Variants in GRAMD1A observed in about 807,000 individuals in gnomAD.
GRAMD1A encodes the protein GRAM domain containing 1A, also known as protein Aster-A.
GRAMD1A carries 50 observed loss-of-function variants against 92.0 expected under a neutral mutation model. That is an observed-to-expected ratio of 0.54 (90% confidence interval 0.43 to 0.69). GRAMD1A has a LOEUF of 0.69. GRAMD1A is among the 30% of genes least tolerant of loss of function. The probability of loss-of-function intolerance (pLI) is 0.00; values close to 1 mark genes in which losing one functional copy is unlikely to be tolerated. For missense variants in GRAMD1A, 819 were observed against 978.9 expected (o/e 0.84, Z 2.18); for synonymous variants, 405 against 403.6 (o/e 1.00, Z -0.04).
intron 1 of GRAMD1A, among the ~76,000 whole-genome samples, chr19:35,008,806 A>T (rs183213009): frequency 6.4e-4 from 97 of 152,254 alleles, no homozygotes; most frequent in African/African-American, 2.2e-3. Context: ...ACAGAGCAAG[A>T]CTCTGTCACA....
chr19:35,022,117 C>A (rs2151734990), intron 16 of GRAMD1A, 79 bp downstream of exon 16: 1 of 954,516 alleles, frequency 1.0e-6, no homozygotes, highest in Non-Finnish European at 1.6e-6. Context: ...AGTGTGTGGC[C>A]TCTTTGAGCT....
At chr19:35,016,408 G>C (rs1465728908) in intron 11 of GRAMD1A, among the ~76,000 whole-genome samples, 4 of 149,512 alleles carry the variant, frequency 2.7e-5, no homozygotes, top group South Asian at 2.2e-4. Context: ...ACCAGCCAGG[G>C]CAACATGGTG....
chr19:35,009,152 C>T lies in GRAMD1A; in HGVS notation c.42C>T (p.Ser14=). 2 of 1,613,786 alleles carry T rather than the reference C, an allele frequency of 1.2e-6. No homozygotes were observed. Among genetic ancestry groups the T allele is most frequent in the South Asian group, 1.1e-5 (1 of 91,068 alleles). Residue 14 remains serine, a synonymous_variant, in exon 2 of 20, where the codon AGC becomes AGT. Coordinates refer to ENST00000317991, the MANE Select transcript of GRAMD1A (RefSeq NM_020895.5). ...CCCACTCTGGCCGGAGCACGCCAAG[C>T]AGCTCCCCATCGCTCCGGAAACGGC... The part of the protein sequence containing the change: ...TTPHSGRSTP[S]SSPSLRKRLQ...
rs2015420823 is a variant in GRAMD1A, at chr19:35,013,718, G to T, written c.870+27G>T. The stretch of plus-strand genomic sequence containing the variant: ...TGAGCGGTGGGTTGGAAGAGGGGTG[G>T]GATACTGATAGGAAGAGAGAGGAGG... On this transcript the variant is annotated intron_variant, in intron 9 of 19. Coordinates refer to ENST00000317991, the MANE Select transcript of GRAMD1A (RefSeq NM_020895.5). This position sits in a 1 kb window ranked among gnomAD's most constrained non-coding sequence, Gnocchi z 4.9. 6.3e-7 allele frequency: 1 copy of T among 1,588,690 alleles called. No homozygotes were observed. The highest frequency in any genetic ancestry group is 1.1e-5 in the South Asian group (1 of 88,206).
chr19:35,024,618 T>C (rs910985205), intron 19 of GRAMD1A, among the ~76,000 whole-genome samples: 11 of 152,090 alleles, frequency 7.2e-5, no homozygotes, highest in Non-Finnish European at 1.5e-5. Flanking sequence ...TCTTGTCTCA[T>C]TGGACCCTTC....
chr19:35,012,958 G>C, intron 7 of GRAMD1A: 1 of 332,702 alleles, frequency 3.0e-6, no homozygotes, highest in Non-Finnish European at 5.8e-6. Context: ...CTGAGCGACA[G>C]AGCCAGACTC....
rs2016098948 is a variant in GRAMD1A at position 35,022,018 on chromosome 19, C to T, written c.1821C>T (p.Ala607=). The T allele has an allele frequency of 6.2e-7, 1 of 1,613,524 alleles. No homozygotes were observed. Among genetic ancestry groups the T allele is most frequent in the Non-Finnish European group, 8.5e-7 (1 of 1,179,644 alleles). ...GCCCCGGGGCAGGCATCCCCAGTGCCCTGGTTCTCATCAGCATTGTGTGAG... is the reference window on the plus strand; with the variant it reads ...GCCCCGGGGCAGGCATCCCCAGTGCTCTGGTTCTCATCAGCATTGTGTGAG... ...DQGPGAGIPS[A]LVLISIVICV... Residue 607 remains alanine (A), a synonymous_variant, in exon 16 of 20, where the codon GCC becomes GCT. Coordinates refer to ENST00000317991, the MANE Select transcript of GRAMD1A (RefSeq NM_020895.5).
chr19:35,019,661 G>T, intron 13 of GRAMD1A, 128 bp downstream of exon 13: 1 of 911,896 alleles, frequency 1.1e-6, no homozygotes. Flanking sequence ...GGTTCCTGAG[G>T]CCCTTGTCCT....
chr19:34,996,382 A>G (rs1169577719), upstream of GRAMD1A: 14 of 1,044,562 alleles, frequency 1.3e-5, no homozygotes, highest in Non-Finnish European at 1.9e-5. Context: ...GCTGCGGGTC[A>G]GAGCACAACC....
At position 35,010,327 on chromosome 19, in the gene GRAMD1A, A is replaced by T; in HGVS notation, c.473A>T (p.Lys158Met). The T allele has an allele frequency of 6.2e-7, 1 of 1,613,956 alleles. No individual in the cohort carries two copies. The highest frequency in any genetic ancestry group is 8.5e-7 in the Non-Finnish European group (1 of 1,179,762). The change falls in exon 6 of 20, where the codon AAG (lysine) becomes ATG (methionine). Residue 158 changes from lysine (K) to methionine (M), a missense_variant. Transcript: ENST00000317991. ...GAAGTGACATGTCTGAAGAAGGAAA[A>T]GACGGCCAAGCTGATCCCCAACGCC... ...LKEVTCLKKE[K>M]TAKLIPNAIQ...
At chr19:34,999,909 A>G (rs187263277), upstream of GRAMD1A, 1,972 of 693,930 alleles carry the variant, frequency 2.8e-3, 39 homozygotes, top group African/African-American at 0.033. Context: ...CGCCAGCTTC[A>G]GGCCCCCTCC....
At position 35,000,567 on chromosome 19, in the gene GRAMD1A, A is replaced by G. The variant is rs1199794259; in HGVS notation, c.8+81A>G. ...GGGAGGGGGCGCCGCGGGCTTGGGGAGGGGGCGGAGCGGCCGCTGCAGAGG... is the reference window on the plus strand; with the variant it reads ...GGGAGGGGGCGCCGCGGGCTTGGGGGGGGGGCGGAGCGGCCGCTGCAGAGG... On this transcript the variant is annotated intron_variant, in intron 1 of 19. Transcript: ENST00000317991. The surrounding 1 kb of genome is among the most constrained non-coding windows in gnomAD (Gnocchi z 4.9). 1 of 839,170 alleles carries G rather than the reference A, an allele frequency of 1.2e-6. No homozygotes were observed. The highest frequency in any genetic ancestry group is 1.4e-6 in the Non-Finnish European group (1 of 722,266). The allele number at this position is 839,170 out of a possible 1,614,324, so 52.0% of individuals were successfully genotyped here.
chr19:35,016,849 GAGCCAAGATC>G (rs1329533131), intron 11 of GRAMD1A, among the ~76,000 whole-genome samples: 3 of 148,724 alleles, frequency 2.0e-5, no homozygotes, highest in Non-Finnish European at 4.4e-5. Context: ...AGGTTGCAGT[GAGCCAAGATC>G]GTGCCGTTGC....
intron 7 of GRAMD1A, chr19:35,012,980 A>G (rs2015346024): frequency 2.5e-6 from 1 of 404,712 alleles, no homozygotes; most frequent in South Asian, 3.9e-5. Flanking sequence ...ATCTCCAAAA[A>G]ACAAACAAAA....
rs1171473459 is a variant in GRAMD1A at position 35,010,379 on chromosome 19, G to A, written c.525G>A (p.Lys175=). The A allele has an allele frequency of 6.2e-7, 1 of 1,607,346 alleles. No homozygotes were observed. The highest frequency in any genetic ancestry group is 1.1e-5 in the South Asian group (1 of 90,994). Residue 175 remains lysine, a splice_region_variant and synonymous_variant, in exon 6 of 20, where the codon AAG becomes AAA. Coordinates refer to ENST00000317991, the MANE Select transcript of GRAMD1A (RefSeq NM_020895.5). Reference sequence around the variant, plus strand: ...TCCAGATCTGCACGGAGAGCGAGAAGGTGACGGAGGACCCGGTGACGGGAC... The same window carrying A: ...TCCAGATCTGCACGGAGAGCGAGAAAGTGACGGAGGACCCGGTGACGGGAC... ...NAIQICTESE[K]HFFTSFGARD...
At chr19:35,008,045 T>C (rs1225306865) in intron 1 of GRAMD1A, among the ~76,000 whole-genome samples, 7 of 151,710 alleles carry the variant, frequency 4.6e-5, no homozygotes, top group African/African-American at 1.7e-4. Context: ...ATAGGAGGTA[T>C]AGGCCAGGCG....
chr19:35,018,645 G>T (rs1190656563), intron 11 of GRAMD1A, among the ~76,000 whole-genome samples: 1 of 152,166 alleles, frequency 6.6e-6, no homozygotes, highest in East Asian at 1.9e-4. Flanking sequence ...CAGATGGGGA[G>T]ACTGAGGCCA....
chr19:34,998,035 CA>C (rs915378764), upstream of GRAMD1A, among the ~76,000 whole-genome samples: 1 of 147,464 alleles, frequency 6.8e-6, no homozygotes, highest in Non-Finnish European at 1.5e-5. Context: ...GCCACTGCAC[CA>C]CTCCAGCCTG....
rs2015357765 is a variant in GRAMD1A at position 35,013,106 on chromosome 19, C to T, written c.607-150C>T. ...AGGGGCTGTAGCAGGGGATTCCCCG[C>T]TTGCTGAGGCCAGGTCTGGTGCGGG... On this transcript the variant is annotated intron_variant, in intron 7 of 19. Transcript: ENST00000317991. The surrounding 1 kb of genome is among the most constrained non-coding windows in gnomAD (Gnocchi z 4.9). The T allele has an allele frequency of 5.1e-6, 3 of 584,226 alleles. No homozygotes were observed. In the African/African-American group the frequency reaches 5.6e-5, roughly 11 times the overall value. 36.2% of individuals were successfully genotyped at this position (584,226 alleles called of 1,614,324 possible). A position where few individuals can be genotyped will look rare whatever the true frequency, so the allele number is the denominator to read the frequency against.
Sources: gnomAD v4.1 joint callset for allele counts (sites outside exome capture counted in the v4.1 genomes callset) on GRCh38, gnomAD v4.1.1 for gene constraint, Gnocchi (gnomAD v3.1) non-coding constraint, MANE v1.5 for transcripts, NCBI Gene and HGNC (gene_info 2026-07-23, HGNC 2026-07-21) for gene names.